The following DPP10 variants were observed in gnomAD, a reference collection of about 807,000 sequenced individuals.
DPP10 encodes the protein inactive dipeptidyl peptidase 10.
A neutral mutation model predicts 120.9 loss-of-function variants in DPP10; 33 were observed. The ratio of observed to expected loss-of-function variants is 0.27; its 90% CI spans 0.21 to 0.37. The LOEUF (loss-of-function observed/expected upper bound fraction) is 0.37. Among genes scored for constraint, DPP10 ranks in the 10% least tolerant of loss-of-function variants. DPP10 has a pLI of 1.00. For missense variants in DPP10, 816 were observed against 942.8 expected (o/e 0.87, Z 1.76); for synonymous variants, 337 against 326.1 (o/e 1.03, Z -0.36).
At chr2:114,942,998 C>T (rs1697074804) in intron 1 of DPP10, among the ~76,000 whole-genome samples, 1 of 152,074 alleles carries the variant, frequency 6.6e-6, no homozygotes, top group South Asian at 2.1e-4. Flanking sequence ...TTGCTGCACC[C>T]ATCAACCCAT....
chr2:115,758,466 G>A (rs934460726), intron 11 of DPP10, among the ~76,000 whole-genome samples: 1 of 151,964 alleles, frequency 6.6e-6, no homozygotes, highest in Non-Finnish European at 1.5e-5. Context: ...TAAATAAATG[G>A]AAGCTATTCC....
rs540668900 is a variant in DPP10, at chr2:114,748,888, G to A, written c.60+306050G>A. On this transcript the variant is annotated intron_variant, in intron 1 of 25. Coordinates refer to ENST00000410059, the MANE Select transcript of DPP10 (RefSeq NM_020868.6). ...TACGTGTGCATGTGTCTTTATAGCAGCATGATTTATAGTCATTTGGGTATA... is the reference window on the plus strand; with the variant it reads ...TACGTGTGCATGTGTCTTTATAGCAACATGATTTATAGTCATTTGGGTATA... Among the ~76,000 whole-genome samples the A allele has an allele frequency of 4.8e-4, 50 of 103,700 alleles. 1 individual carries two copies. In the East Asian group the frequency reaches 0.012, roughly 26 times the overall value. 68.0% of individuals were successfully genotyped at this position (103,700 alleles called of 152,430 possible).
chr2:115,741,483 T>C (rs899253369), intron 9 of DPP10, among the ~76,000 whole-genome samples: 1 of 151,734 alleles, frequency 6.6e-6, no homozygotes, highest in African/African-American at 2.4e-5. Flanking sequence ...CACTATTTTT[T>C]CCCCCAGAGA....
chr2:114,837,787 A>G (rs921466605), intron 1 of DPP10, among the ~76,000 whole-genome samples: 1 of 152,144 alleles, frequency 6.6e-6, no homozygotes, highest in Non-Finnish European at 1.5e-5. Flanking sequence ...CTCTTCATAA[A>G]ACATTCATTA....
At chr2:114,899,928 C>G (rs920113735) in intron 1 of DPP10, among the ~76,000 whole-genome samples, 8 of 152,210 alleles carry the variant, frequency 5.3e-5, no homozygotes, top group African/African-American at 1.7e-4. Context: ...CCACTGCACT[C>G]CAGCCTGGGT....
At chr2:114,739,770 T>C (rs1055658715) in intron 1 of DPP10, among the ~76,000 whole-genome samples, 1 of 152,176 alleles carries the variant, frequency 6.6e-6, no homozygotes, top group African/African-American at 2.4e-5. Flanking sequence ...CTCCATTGCA[T>C]GCAATCTCAT....
At chr2:115,312,950 G>A (rs542753783) in intron 2 of DPP10, among the ~76,000 whole-genome samples, 2 of 152,170 alleles carry the variant, frequency 1.3e-5, no homozygotes, top group Admixed American at 6.5e-5. Flanking sequence ...CAGGCCGGAC[G>A]CGATGGCTCA....
At chr2:114,554,188 C>A (rs2104893179) in intron 1 of DPP10, among the ~76,000 whole-genome samples, 1 of 152,324 alleles carries the variant, frequency 6.6e-6, no homozygotes, top group Non-Finnish European at 1.5e-5. Context: ...CTCTGACCCA[C>A]CCCAGCCCCT....
chr2:115,367,216 GT>G (rs890918268), intron 3 of DPP10, among the ~76,000 whole-genome samples: 5 of 151,634 alleles, frequency 3.3e-5, no homozygotes, highest in African/African-American at 4.8e-5. Context: ...ATGGCATAGA[GT>G]TTTTTTTATT....
At chr2:114,512,345 C>T (rs1684215729) in intron 1 of DPP10, among the ~76,000 whole-genome samples, 2 of 152,256 alleles carry the variant, frequency 1.3e-5, no homozygotes, top group African/African-American at 2.4e-5. Context: ...CTAACCATCC[C>T]TTCCTGCTCA....
chr2:115,817,542 C>A (rs554635562), intron 21 of DPP10, among the ~76,000 whole-genome samples: 22 of 152,286 alleles, frequency 1.4e-4, no homozygotes, highest in African/African-American at 5.3e-4. Context: ...GTGTATCATG[C>A]CTTTGCAGCA....
At chr2:115,641,275 C>T (rs1211382235) in intron 5 of DPP10, among the ~76,000 whole-genome samples, 1 of 152,148 alleles carries the variant, frequency 6.6e-6, no homozygotes, top group Non-Finnish European at 1.5e-5. Flanking sequence ...ATTTCCTTGC[C>T]ATAAGAGGAG....
intron 21 of DPP10, among the ~76,000 whole-genome samples, chr2:115,825,279 A>C (rs774975444): frequency 4.6e-5 from 7 of 152,192 alleles, no homozygotes; most frequent in East Asian, 1.9e-4. Flanking sequence ...TTAGAATTCT[A>C]TCTCTTATTA....
chr2:114,906,686 T>C (rs1485155755), intron 1 of DPP10, among the ~76,000 whole-genome samples: 1 of 152,164 alleles, frequency 6.6e-6, no homozygotes, highest in Non-Finnish European at 1.5e-5. Context: ...TGAACCAACC[T>C]TGCATCCTCA....
chr2:115,086,611 T>A (rs1708725123), intron 1 of DPP10, among the ~76,000 whole-genome samples: 1 of 151,854 alleles, frequency 6.6e-6, no homozygotes, highest in Non-Finnish European at 1.5e-5. Flanking sequence ...CGCCCACCAC[T>A]ATGCCTGGCT....
chr2:114,570,528 A>G (rs950865284), intron 1 of DPP10, among the ~76,000 whole-genome samples: 4 of 152,088 alleles, frequency 2.6e-5, no homozygotes, highest in African/African-American at 9.7e-5. Context: ...TTATGATATG[A>G]AAAGTAGATG....
intron 1 of DPP10, among the ~76,000 whole-genome samples, chr2:114,831,885 A>G (rs1687165220): frequency 6.7e-6 from 1 of 148,224 alleles, no homozygotes; most frequent in East Asian, 1.9e-4. Context: ...ATATATGTAT[A>G]TATATAACCA....
At chr2:115,067,466 A>G (rs1278232394) in intron 1 of DPP10, among the ~76,000 whole-genome samples, 3 of 148,210 alleles carry the variant, frequency 2.0e-5, no homozygotes, top group Admixed American at 1.3e-4. Context: ...GTTAGCCAGG[A>G]TGGTTTCGAT....
At chr2:115,628,980 G>T (rs1343111667) in intron 5 of DPP10, among the ~76,000 whole-genome samples, 1 of 151,600 alleles carries the variant, frequency 6.6e-6, no homozygotes, top group Non-Finnish European at 1.5e-5. Flanking sequence ...CCTACCCCAC[G>T]ACAGGCCCCA....
Sources: gnomAD v4.1 joint callset for allele counts (sites outside exome capture counted in the v4.1 genomes callset) on GRCh38, gnomAD v4.1.1 for gene constraint, MANE v1.5 for transcripts, NCBI Gene and HGNC (gene_info 2026-07-23, HGNC 2026-07-21) for gene names.